The following TMC3 variants were observed in gnomAD, a reference collection of about 807,000 sequenced individuals.
TMC3 encodes the protein transmembrane channel like 3.
Under a neutral mutation model 110.6 loss-of-function variants are expected in TMC3, and 98 were observed. The observed-to-expected ratio is 0.89, with a 90% CI of 0.75 to 1.05. The LOEUF is 1.05. Among genes scored for constraint, TMC3 ranks in the 50% least tolerant of loss-of-function variants. The probability of loss-of-function intolerance (pLI) is 0.00; values close to 1 mark genes in which losing one functional copy is unlikely to be tolerated. For missense variants in TMC3, 1,319 were observed against 1,373.2 expected (o/e 0.96, Z 0.62); for synonymous variants, 489 against 513.1 (o/e 0.95, Z 0.63).
chr15:81,336,526 C>T lies in TMC3; in HGVS notation c.2203+83G>A. On this transcript the variant is annotated intron_variant, in intron 20 of 21. Transcript: ENST00000359440. ...GAGGTTGCAGTGAGCCGAGATCACACCACTGCACTCCAGCCTGGGCGACAG... is the reference window on the plus strand; with the variant it reads ...GAGGTTGCAGTGAGCCGAGATCACATCACTGCACTCCAGCCTGGGCGACAG... 4.5e-6 allele frequency: 6 copies of T among 1,344,060 alleles called. No individual in the cohort carries two copies. The South Asian group carries it at 4.7e-5, about 11-fold the overall frequency. The allele number at this position is 1,344,060 out of a possible 1,614,324, so 83.3% of individuals were successfully genotyped here.
At chr15:81,369,808 C>G (rs995835167) in intron 2 of TMC3, among the ~76,000 whole-genome samples, 1 of 152,072 alleles carries the variant, frequency 6.6e-6, no homozygotes, top group African/African-American at 2.4e-5. Flanking sequence ...TGACTGCAGT[C>G]CCAGCTACTT....
chr15:81,343,306 G>A lies in TMC3; in HGVS notation c.1687C>T (p.His563Tyr). 1 of 1,610,932 alleles carries A rather than the reference G, an allele frequency of 6.2e-7. No individual in the cohort carries two copies. The highest frequency in any genetic ancestry group is 8.5e-7 in the Non-Finnish European group (1 of 1,177,096). ...ATCATTCCTTGGTTGTAGACTAAAT[G>A]TAGCACATTCTCAGCTATTTTGAAT... ...GEFKIAENVL[H>Y]LVYNQGMIWM... Residue 563 changes from histidine (H) to tyrosine (Y), a missense_variant, in exon 15 of 22, where the codon CAT (histidine) becomes TAT (tyrosine). His to Tyr is a moderately conservative substitution (Grantham distance 83). Transcript: ENST00000359440.
rs1389737803 is a variant in TMC3 at position 81,334,122 on chromosome 15, A to T, written c.2459+598T>A. On this transcript the variant is annotated intron_variant, in intron 21 of 21. Coordinates refer to ENST00000359440, the MANE Select transcript of TMC3 (RefSeq NM_001080532.3). ...AAGACCCCACAGAGACAGGCAGACA[A>T]CTCCTTATATAACAAGACTTCAAGT... Among the ~76,000 whole-genome samples, 9 of 152,070 alleles carry T rather than the reference A, an allele frequency of 5.9e-5. 1 individual carries two copies. The highest frequency in any genetic ancestry group is 6.8e-3 in the Middle Eastern group (2 of 294).
chr15:81,364,547 G>T, intron 3 of TMC3, among the ~76,000 whole-genome samples: 1 of 128,318 alleles, frequency 7.8e-6, no homozygotes, highest in Admixed American at 8.2e-5. Context: ...TCGGGGGAGG[G>T]GGGAGGGATA....
At chr15:81,335,156 C>T (rs1368282158) in intron 20 of TMC3, among the ~76,000 whole-genome samples, 181 bp from the exon 21 acceptor site, 1 of 152,204 alleles carries the variant, frequency 6.6e-6, no homozygotes, top group African/African-American at 2.4e-5. Flanking sequence ...GATTTCATCC[C>T]TGCAAGTTGG....
intron 1 of TMC3, 37 bp downstream of exon 1, chr15:81,373,952 G>T: frequency 6.3e-7 from 1 of 1,593,990 alleles, no homozygotes; most frequent in Non-Finnish European, 8.6e-7. Flanking sequence ...TCACACACCT[G>T]ACTCCTCTGC....
At chr15:81,359,600 A>G (rs1894144685) in intron 4 of TMC3, 129 bp from the exon 5 acceptor site, 6 of 617,220 alleles carry the variant, frequency 9.7e-6, no homozygotes, top group African/African-American at 7.5e-5. Flanking sequence ...TATTGTACCA[A>G]TCGAGGTGTT....
At chr15:81,362,893 A>G (rs1894220311) in intron 3 of TMC3, among the ~76,000 whole-genome samples, 1 of 152,048 alleles carries the variant, frequency 6.6e-6, no homozygotes, top group Non-Finnish European at 1.5e-5. Context: ...GCCCCACCCT[A>G]ATGTGTGACT....
intron 10 of TMC3, among the ~76,000 whole-genome samples, chr15:81,351,265 TA>T (rs1259127319): frequency 6.6e-6 from 1 of 151,834 alleles, no homozygotes; most frequent in Non-Finnish European, 1.5e-5. Context: ...ACAAGAGGAC[TA>T]AAGTTTTTTC....
At chr15:81,343,799 C>T in intron 14 of TMC3, 118 bp downstream of exon 14, 1 of 1,130,362 alleles carries the variant, frequency 8.8e-7, no homozygotes, top group Non-Finnish European at 1.2e-6. Flanking sequence ...TCTCTTCCCA[C>T]TTGTATTCTC....
At chr15:81,348,093 C>A (rs1310623156) in intron 11 of TMC3, among the ~76,000 whole-genome samples, 1 of 152,214 alleles carries the variant, frequency 6.6e-6, no homozygotes, top group African/African-American at 2.4e-5. Flanking sequence ...TGTTCATCGC[C>A]GTATGGTCTG....
chr15:81,358,903 TC>T (rs1894124930), intron 5 of TMC3, among the ~76,000 whole-genome samples: 1 of 152,168 alleles, frequency 6.6e-6, no homozygotes, highest in Non-Finnish European at 1.5e-5. Context: ...GTTCCCATAA[TC>T]TGAATAATGT....
At chr15:81,364,425 ATAATT>A (rs1894259351) in intron 3 of TMC3, among the ~76,000 whole-genome samples, 1 of 151,974 alleles carries the variant, frequency 6.6e-6, no homozygotes, top group Non-Finnish European at 1.5e-5. Context: ...TGAAACAGGA[ATAATT>A]CAAAATTTAA....
At chr15:81,361,998 G>A (rs970631184) in intron 4 of TMC3, 11 of 413,234 alleles carry the variant, frequency 2.7e-5, no homozygotes, top group Non-Finnish European at 5.0e-5. Flanking sequence ...AGCCGCAGCG[G>A]AATGTGGAAA....
chr15:81,368,278 C>G lies in TMC3; in HGVS notation c.287G>C (p.Arg96Pro). Residue 96 changes from arginine (R) to proline (P), a missense_variant, in exon 3 of 22, where the codon CGA becomes CCA. Arg to Pro is a moderately radical substitution (Grantham distance 103). Coordinates refer to ENST00000359440, the MANE Select transcript of TMC3 (RefSeq NM_001080532.3). ...LKFEGRLTRT[R>P]GYQAAGAELW... Reference sequence around the variant, plus strand: ...CTCTGCACCTGCTGCTTGGTAGCCTCGGGTCCTGGTCAGCCTCCCTTCAAA... The same window carrying G: ...CTCTGCACCTGCTGCTTGGTAGCCTGGGGTCCTGGTCAGCCTCCCTTCAAA... 6.2e-7 allele frequency: 1 copy of G among 1,613,674 alleles called. No individual in the cohort carries two copies. Among genetic ancestry groups the G allele is most frequent in the Non-Finnish European group, 8.5e-7 (1 of 1,179,740 alleles).
chr15:81,358,076 A>G (rs967903462), intron 7 of TMC3, 73 bp downstream of exon 7: 3 of 1,441,308 alleles, frequency 2.1e-6, no homozygotes, highest in Middle Eastern at 1.9e-4. Context: ...AGAATGATGA[A>G]GCTGTAAGAA....
intron 9 of TMC3, among the ~76,000 whole-genome samples, chr15:81,353,789 C>T (rs1894002000): frequency 6.6e-6 from 1 of 152,186 alleles, no homozygotes; most frequent in Non-Finnish European, 1.5e-5. Flanking sequence ...CTGACTATTC[C>T]TTTGGTAGTT....
chr15:81,373,058 A>AG (rs1894474001), intron 1 of TMC3, among the ~76,000 whole-genome samples: 1 of 152,172 alleles, frequency 6.6e-6, no homozygotes, highest in African/African-American at 2.4e-5. Flanking sequence ...GAGGGTATTT[A>AG]CGTACTCTTG....
At chr15:81,355,976 T>C (rs912898047) in intron 8 of TMC3, among the ~76,000 whole-genome samples, 1 of 152,186 alleles carries the variant, frequency 6.6e-6, no homozygotes, top group Admixed American at 6.5e-5. Context: ...GGAGATAGTA[T>C]GGCTGTAATT....
Sources: allele counts gnomAD v4.1 joint callset (sites outside exome capture counted in the v4.1 genomes callset), GRCh38; gene constraint gnomAD v4.1.1; transcripts MANE v1.5; gene names NCBI Gene and HGNC (gene_info 2026-07-23, HGNC 2026-07-21).